The following NOP2 variants were observed in gnomAD, a reference collection of about 807,000 sequenced individuals.
NOP2 encodes the protein 28S rRNA (cytosine(4447)-C(5))-methyltransferase.
In NOP2, 7 loss-of-function variants were observed where a neutral mutation model predicts 72.7. That is an observed-to-expected ratio of 0.10 (90% CI 0.05 to 0.18). NOP2 has a LOEUF of 0.18. Ranked by LOEUF, NOP2 falls within the 10% of genes least tolerant of loss-of-function variation. The pLI is 1.00. For missense variants in NOP2, 954 were observed against 1,014.7 expected (o/e 0.94, Z 0.81); for synonymous variants, 387 against 388.0 (o/e 1.00, Z 0.03).
Position 6,557,056 on chromosome 12 carries a change from G to A in NOP2, c.2376C>T (p.Arg792=), listed in dbSNP as rs1436574968. ...PPTVSPIRSS[R]PPPAKRKKSQ... is the part of the protein sequence containing the mutation. Reference sequence around the variant, plus strand: ...ATTTCTTCCTCTTTGCTGGTGGGGGGCGGCTGGAACGGATGGGAGACACAG... The same window carrying A: ...ATTTCTTCCTCTTTGCTGGTGGGGGACGGCTGGAACGGATGGGAGACACAG... Residue 792 remains arginine (R), a synonymous_variant, in exon 16 of 16, where the codon CGC becomes CGT. Transcript: ENST00000322166. 6.2e-6 allele frequency: 10 copies of A among 1,613,864 alleles called. No homozygotes were observed. Among genetic ancestry groups the A allele is most frequent in the East Asian group, 2.2e-5 (1 of 44,896 alleles).
In NOP2 at chr12:6,563,721, A is replaced by C; in HGVS notation, c.581T>G (p.Val194Gly). 6.2e-7 allele frequency: 1 copy of C among 1,613,440 alleles called. No individual in the cohort carries two copies. Among genetic ancestry groups the C allele is most frequent in the Non-Finnish European group, 8.5e-7 (1 of 1,179,650 alleles). The change falls in exon 7 of 16, where the codon GTG becomes GGG. Residue 194 changes from valine (V) to glycine (G), a missense_variant. Physicochemically the swap from Val to Gly is moderately radical, Grantham distance 109. Around this residue, in one of 3 missense-constraint regions of NOP2, gnomAD observed 498 missense variants for 478.3 expected, o/e 1.04. Transcript: ENST00000322166. ...CTTTGGGGGGCCTGACTCAGGGGTC[A>C]CTTCTTTCTCTTCCTCCTCGTCCTC... The part of the protein sequence containing the change: ...ETEDEEEEKE[V>G]TPESGPPKVE...
intron 11 of NOP2, 28 bp downstream of exon 11, chr12:6,561,636 G>C: frequency 1.2e-6 from 2 of 1,608,142 alleles, no homozygotes; most frequent in Non-Finnish European, 1.7e-6. Context: ...ACAGCCCGAT[G>C]AATCCCACCT....
chr12:6,565,153 T>G (rs1180223178), intron 5 of NOP2, among the ~76,000 whole-genome samples: 1 of 138,054 alleles, frequency 7.2e-6, no homozygotes, highest in East Asian at 1.9e-4. Context: ...AAGGAAGCAG[T>G]TATTTTTTTT....
chr12:6,567,736 C>G, intron 2 of NOP2, 80 bp downstream of exon 2: 1 of 1,124,040 alleles, frequency 8.9e-7, no homozygotes, highest in Admixed American at 2.3e-5. Flanking sequence ...ATAAAATGAA[C>G]AGAAACTAAA....
chr12:6,564,738 G>GT (rs78142654), intron 5 of NOP2, among the ~76,000 whole-genome samples: 22,181 of 132,176 alleles, frequency 0.17, 1,795 homozygotes, highest in African/African-American at 0.19. Flanking sequence ...CCATTTTGTC[G>GT]TTTTTTTTTT....
At chr12:6,563,260 C>T in intron 8 of NOP2, 55 bp downstream of exon 8, 1 of 1,550,046 alleles carries the variant, frequency 6.5e-7, no homozygotes, top group Non-Finnish European at 8.7e-7. Context: ...CTTCCTTACA[C>T]AGCGTAAGGA....
In NOP2 at chr12:6,561,891, C is replaced by A. The variant is rs776085592; in HGVS notation, c.1059G>T (p.Val353=). ...KTGLVVYDSS[V]PIGATPEYLA... ...TGGGTGGGGGAGACTTACCAATGGG[C>A]ACAGAAGAATCATACACCACTAGTC... is the stretch of plus-strand genomic sequence containing the variant. Residue 353 remains valine (V), a synonymous_variant, in exon 10 of 16, where the codon GTG becomes GTT. Coordinates refer to ENST00000322166, the MANE Select transcript of NOP2 (RefSeq NM_001258308.2). 1.2e-6 allele frequency: 2 copies of A among 1,611,076 alleles called. No individual in the cohort carries two copies. The highest frequency in any genetic ancestry group is 2.2e-5 in the South Asian group (2 of 90,272).
chr12:6,558,033 T>C (rs1170591434), intron 15 of NOP2: 2 of 342,574 alleles, frequency 5.8e-6, no homozygotes, highest in South Asian at 4.3e-5. Context: ...CCTAGCTACT[T>C]GGGAGTCTGA....
Position 6,563,061 on chromosome 12 carries a change from C to T in NOP2, c.978+20G>A, listed in dbSNP as rs1457308179. 1.3e-6 allele frequency: 2 copies of T among 1,563,350 alleles called. No individual in the cohort carries two copies. The highest frequency in any genetic ancestry group is 1.4e-5 in the African/African-American group (1 of 73,546). On this transcript the variant is annotated intron_variant, in intron 9 of 15. Coordinates refer to ENST00000322166, the MANE Select transcript of NOP2 (RefSeq NM_001258308.2). ...TCACTTCCCTTCTGAGATGAGTGAG[C>T]CTCAAAGGCCACCCCTCACCTGTGC...
intron 11 of NOP2, 57 bp downstream of exon 11, chr12:6,561,607 A>T: frequency 6.3e-7 from 1 of 1,598,830 alleles, no homozygotes; most frequent in Non-Finnish European, 8.5e-7. Flanking sequence ...CAGCAACCCC[A>T]TCTACTTTCA....
intron 2 of NOP2, 172 bp downstream of exon 2, chr12:6,567,644 G>A: frequency 5.5e-6 from 3 of 547,334 alleles, no homozygotes; most frequent in East Asian, 3.2e-5. Flanking sequence ...ACATCTCTAC[G>A]ACCTAAACAG....
Position 6,560,425 on chromosome 12 carries a change from T to G in NOP2, c.1560+22A>C, listed in dbSNP as rs1307615531. The stretch of plus-strand genomic sequence containing the variant: ...AGCCCCCCAGCCCAGCCTCCCCTGC[T>G]CTGCCATGGCAGAGGTCTCACTGTG... On this transcript the variant is annotated intron_variant, in intron 14 of 15. Coordinates refer to ENST00000322166, the MANE Select transcript of NOP2 (RefSeq NM_001258308.2). The surrounding 1 kb of genome is among the most constrained non-coding windows in gnomAD (Gnocchi z 5.0). 1.9e-6 allele frequency: 3 copies of G among 1,592,352 alleles called. No homozygotes were observed. The South Asian group carries it at 3.4e-5, about 18-fold the overall frequency.
intron 9 of NOP2, 141 bp downstream of exon 9, chr12:6,562,940 A>G: frequency 1.3e-6 from 1 of 785,746 alleles, no homozygotes; most frequent in Non-Finnish European, 2.2e-6. Flanking sequence ...TGCCAGAGAC[A>G]TCAGGCCTCT....
At chr12:6,562,034 G>A in intron 9 of NOP2, 63 bp from the exon 10 acceptor site, 1 of 1,254,788 alleles carries the variant, frequency 8.0e-7, no homozygotes, top group East Asian at 2.5e-5. Flanking sequence ...TGTTGCCCAG[G>A]CTAGAGTGAG....
intron 15 of NOP2, 132 bp downstream of exon 15, chr12:6,559,966 C>T: frequency 1.4e-6 from 1 of 695,358 alleles, no homozygotes. Context: ...AGGGTTCTCT[C>T]AGCCAAGCAT....
chr12:6,566,565 G>C lies in NOP2; in HGVS notation c.202C>G (p.Pro68Ala), dbSNP rs757526717. Residue 68 changes from proline to alanine, a missense_variant, in exon 4 of 16, where the codon CCT becomes GCT. Pro to Ala is a conservative substitution (Grantham distance 27). Transcript: ENST00000322166. ...TTTCCAGGCAATGGTTTGGCCTCAGGAGACTTATTTGTCTTAGGGGCTTCA... is the reference window on the plus strand; with the variant it reads ...TTTCCAGGCAATGGTTTGGCCTCAGCAGACTTATTTGTCTTAGGGGCTTCA... Reference protein sequence around the residue: ...SVEAPKTNKSPEAKPLPGKLP... With the variant: ...SVEAPKTNKSAEAKPLPGKLP... The C allele has an allele frequency of 1.2e-6, 2 of 1,613,982 alleles. No individual in the cohort carries two copies. Among genetic ancestry groups the C allele is most frequent in the Non-Finnish European group, 8.5e-7 (1 of 1,179,900 alleles).
chr12:6,566,726 A>C lies in NOP2; in HGVS notation c.149+51T>G, dbSNP rs867446082. On this transcript the variant is annotated intron_variant, in intron 3 of 15. Transcript: ENST00000322166. ...GAGTCTAGAATTAACTCTGTGGTCA[A>C]AGATGAGCAGTACCAATTTAACCTA... 3 of 1,599,904 alleles carry C rather than the reference A, an allele frequency of 1.9e-6. No individual in the cohort carries two copies. The Middle Eastern group carries it at 5.0e-4, about 265-fold the overall frequency.
chr12:6,565,162 T>TC (rs1947746990), intron 5 of NOP2, among the ~76,000 whole-genome samples: 1 of 151,046 alleles, frequency 6.6e-6, no homozygotes, highest in Admixed American at 6.6e-5. Context: ...GTTATTTTTT[T>TC]TTTTTTTTTT....
intron 4 of NOP2, 70 bp downstream of exon 4, chr12:6,566,459 T>G: frequency 6.5e-7 from 1 of 1,533,586 alleles, no homozygotes; most frequent in South Asian, 1.1e-5. Context: ...CGGAAATGTT[T>G]AGCGAGTTCT....
Sources: allele counts gnomAD v4.1 joint callset (sites outside exome capture counted in the v4.1 genomes callset), GRCh38; gene constraint gnomAD v4.1.1; regional missense constraint gnomAD v4.1.1; non-coding constraint Gnocchi (gnomAD v3.1); transcripts MANE v1.5; gene names NCBI Gene and HGNC (gene_info 2026-07-23, HGNC 2026-07-21).